PLXNC1: variants seen among roughly 807,000 people sequenced by gnomAD.
PLXNC1 encodes plexin C1, also known as plexin-C1.
Under a neutral mutation model 178.2 loss-of-function variants are expected in PLXNC1, and 75 were observed. The observed-to-expected ratio is 0.42, with a 90% CI of 0.35 to 0.51. PLXNC1 has a LOEUF of 0.51. Ranked by LOEUF, PLXNC1 falls within the 20% of genes least tolerant of loss-of-function variation. The pLI is 0.02. For synonymous variants in PLXNC1, 790 were observed against 779.9 expected (o/e 1.01, Z -0.22); for missense variants, 1,503 against 1,984.4 (o/e 0.76, Z 4.61).
chr12:94,225,800 C>T (rs1034846536), intron 7 of PLXNC1, among the ~76,000 whole-genome samples: 4 of 152,178 alleles, frequency 2.6e-5, no homozygotes, highest in African/African-American at 7.2e-5. Flanking sequence ...ATCACAAACC[C>T]GTGTCTAGCT....
chr12:94,258,636 T>C (rs920891935), intron 17 of PLXNC1, among the ~76,000 whole-genome samples: 5 of 152,206 alleles, frequency 3.3e-5, no homozygotes, highest in African/African-American at 1.2e-4. Context: ...GTGATAGCAT[T>C]GTGGTCTAGT....
In PLXNC1 at chr12:94,200,073, G is replaced by A. The variant is rs552998158; in HGVS notation, c.1440-9517G>A. 4.3e-4 allele frequency among the ~76,000 whole-genome samples: 65 copies of A among 152,318 alleles called. 1 individual carries two copies. The highest frequency in any genetic ancestry group is 1.4e-3 in the African/African-American group (58 of 41,574). On this transcript the variant is annotated intron_variant, in intron 4 of 30. Transcript: ENST00000258526. The stretch of plus-strand genomic sequence containing the variant: ...CTCCCAAACTGCTGGGATTACAGGC[G>A]TGAGCCACCATGCCCAGCCAGGTTT...
rs564856496 is a variant in PLXNC1 at position 94,170,454 on chromosome 12, C to A, written c.1203+1161C>A. Among the ~76,000 whole-genome samples, 5 of 151,836 alleles carry A rather than the reference C, an allele frequency of 3.3e-5. 1 individual carries two copies. In the South Asian group the frequency reaches 8.3e-4, roughly 25 times the overall value. ...AGCCTGAAATGCTTTTTTCTTTTTTCTCTTATTTACGGCACCTTATGTGTC... is the reference window on the plus strand; with the variant it reads ...AGCCTGAAATGCTTTTTTCTTTTTTATCTTATTTACGGCACCTTATGTGTC... On this transcript the variant is annotated intron_variant, in intron 2 of 30. Coordinates refer to ENST00000258526, the MANE Select transcript of PLXNC1 (RefSeq NM_005761.3).
At chr12:94,261,725 C>T (rs772017548) in intron 20 of PLXNC1, among the ~76,000 whole-genome samples, 3 of 152,132 alleles carry the variant, frequency 2.0e-5, no homozygotes, top group Non-Finnish European at 2.9e-5. Context: ...TAGCTAGTTC[C>T]GAAATCTAAT....
chr12:94,163,762 G>A (rs1961483843), intron 1 of PLXNC1, among the ~76,000 whole-genome samples: 1 of 152,058 alleles, frequency 6.6e-6, no homozygotes, highest in African/African-American at 2.4e-5. Context: ...GGTCATTTGA[G>A]TCCCCAGTGT....
chr12:94,257,997 C>G (rs1964901199), intron 17 of PLXNC1, among the ~76,000 whole-genome samples: 1 of 151,574 alleles, frequency 6.6e-6, no homozygotes, highest in South Asian at 2.1e-4. Flanking sequence ...GCACTCCAGC[C>G]TGGGCGACAG....
intron 4 of PLXNC1, among the ~76,000 whole-genome samples, chr12:94,189,907 C>A (rs1017476977): frequency 6.6e-6 from 1 of 152,028 alleles, no homozygotes; most frequent in Non-Finnish European, 1.5e-5. Context: ...GAGTGAGGAG[C>A]TACATATTCA....
At chr12:94,295,892 C>T (rs941514370) in intron 24 of PLXNC1, among the ~76,000 whole-genome samples, 2 of 152,204 alleles carry the variant, frequency 1.3e-5, no homozygotes, top group African/African-American at 4.8e-5. Flanking sequence ...CAGATGACTT[C>T]ACCCTGCACT....
chr12:94,301,067 A>C lies in PLXNC1; in HGVS notation c.4386+10A>C. On this transcript the variant is annotated intron_variant, in intron 28 of 30. Coordinates refer to ENST00000258526, the MANE Select transcript of PLXNC1 (RefSeq NM_005761.3). ...GCAGCAACTAGGGAAGGTAAGGCCC[A>C]GCTTGAGTATTTCTTGTATGCAGTC... 1 of 1,613,056 alleles carries C rather than the reference A, an allele frequency of 6.2e-7. No individual in the cohort carries two copies. The highest frequency in any genetic ancestry group is 8.5e-7 in the Non-Finnish European group (1 of 1,179,226).
At chr12:94,257,973 G>A (rs1964900475) in intron 17 of PLXNC1, among the ~76,000 whole-genome samples, 2 of 151,314 alleles carry the variant, frequency 1.3e-5, no homozygotes, top group Admixed American at 1.3e-4. Context: ...GCAGTGAGCC[G>A]AGATCACGCC....
chr12:94,200,960 C>T (rs1380872531), intron 4 of PLXNC1, among the ~76,000 whole-genome samples: 4 of 152,178 alleles, frequency 2.6e-5, no homozygotes, highest in Non-Finnish European at 4.4e-5. Context: ...ATGACTTCTG[C>T]TGGTATCACT....
In PLXNC1 at chr12:94,301,072, G is replaced by A. The variant is rs1968415161; in HGVS notation, c.4386+15G>A. ...AACTAGGGAAGGTAAGGCCCAGCTT[G>A]AGTATTTCTTGTATGCAGTCTTATG... On this transcript the variant is annotated intron_variant, in intron 28 of 30. Transcript: ENST00000258526. 2 of 1,612,414 alleles carry A rather than the reference G, an allele frequency of 1.2e-6. No homozygotes were observed. The highest frequency in any genetic ancestry group is 4.5e-5 in the East Asian group (2 of 44,840).
At position 94,149,806 on chromosome 12, in the gene PLXNC1, G is replaced by C. The variant is rs976408514; in HGVS notation, c.835G>C (p.Ala279Pro). The C allele has an allele frequency of 1.9e-6, 3 of 1,604,564 alleles. No individual in the cohort carries two copies. The highest frequency in any genetic ancestry group is 4.5e-5 in the East Asian group (2 of 44,504). Residue 279 changes from alanine to proline, a missense_variant, in exon 1 of 31, where the codon GCA becomes CCA. This residue lies in a region of PLXNC1 where 615 missense variants were observed against 698.6 expected (regional missense o/e 0.88). Transcript: ENST00000258526. ...QSTEVLFQGQ[A>P]SLDCGHGHPD... ...CACCGAGGTGCTGTTCCAGGGCCAG[G>C]CATCCCTCGACTGCGGCCACGGCCA...
At chr12:94,226,488 AT>A (rs62973962) in intron 7 of PLXNC1, 116 bp from the exon 8 acceptor site, 72,174 of 524,276 alleles carry the variant, frequency 0.14, no homozygotes, top group South Asian at 0.19. Context: ...CTGTCCAGGG[AT>A]TTTTTTTTTT....
chr12:94,290,080 C>T (rs964911495), intron 23 of PLXNC1, among the ~76,000 whole-genome samples: 1 of 152,188 alleles, frequency 6.6e-6, no homozygotes, highest in African/African-American at 2.4e-5. Context: ...TAAGGGTGCT[C>T]GCTTTTGGCA....
At chr12:94,272,609 G>C (rs546903964) in intron 21 of PLXNC1, among the ~76,000 whole-genome samples, 1 of 152,106 alleles carries the variant, frequency 6.6e-6, no homozygotes, top group Non-Finnish European at 1.5e-5. Flanking sequence ...CCTTTTGTTC[G>C]GATCGAAGAC....
Position 94,170,970 on chromosome 12 carries a change from C to G in PLXNC1, c.1203+1677C>G, listed in dbSNP as rs549853991. ...TGGCGGGAGTTTCCATCAAGCCTTTCTGGGCCTCCTCACCAATTATCTCTT... is the reference window on the plus strand; with the variant it reads ...TGGCGGGAGTTTCCATCAAGCCTTTGTGGGCCTCCTCACCAATTATCTCTT... On this transcript the variant is annotated intron_variant, in intron 2 of 30. Transcript: ENST00000258526. Among the ~76,000 whole-genome samples the G allele has an allele frequency of 4.6e-5, 7 of 152,350 alleles. No homozygotes were observed. In the East Asian group the frequency reaches 1.3e-3, roughly 29 times the overall value.
rs201569040 is a variant in PLXNC1 at position 94,220,001 on chromosome 12, A to G, written c.1555-15A>G. ...GCAAAAATCATCATTTTTTCCCCAT[A>G]TCTTCCCCGCACAGACTACAGTGAC... On this transcript the variant is annotated splice_polypyrimidine_tract_variant and intron_variant, in intron 5 of 30. Transcript: ENST00000258526. 1 of 1,610,112 alleles carries G rather than the reference A, an allele frequency of 6.2e-7. No homozygotes were observed. The highest frequency in any genetic ancestry group is 8.5e-7 in the Non-Finnish European group (1 of 1,177,598).
chr12:94,282,473 C>T lies in PLXNC1; in HGVS notation c.3879+72C>T, dbSNP rs987768935. ...TAGTCCCATGGACATTCTTTTAAAA[C>T]ATCCAGGACTCCCACCCATTTCCTG... On this transcript the variant is annotated intron_variant, in intron 23 of 30. Coordinates refer to ENST00000258526, the MANE Select transcript of PLXNC1 (RefSeq NM_005761.3). 1.3e-5 allele frequency: 13 copies of T among 982,540 alleles called. 1 individual carries two copies. The African/African-American group carries it at 1.8e-4, about 13-fold the overall frequency. The allele number at this position is 982,540 out of a possible 1,614,324, so 60.9% of individuals were successfully genotyped here. A position where few individuals can be genotyped will look rare whatever the true frequency, so the allele number is the denominator to read the frequency against.
Sources: allele counts gnomAD v4.1 joint callset (sites outside exome capture counted in the v4.1 genomes callset), GRCh38; gene constraint gnomAD v4.1.1; regional missense constraint gnomAD v4.1.1; transcripts MANE v1.5; gene names NCBI Gene and HGNC (gene_info 2026-07-23, HGNC 2026-07-21).